UGT2B7: variants seen among roughly 807,000 people sequenced by gnomAD.
UGT2B7 encodes the protein UDP-glucuronosyltransferase 2B7.
In UGT2B7, 51 loss-of-function variants were observed where a neutral mutation model predicts 51.9. That is an observed-to-expected ratio of 0.98 (90% confidence interval 0.78 to 1.24). UGT2B7 has a LOEUF of 1.24. UGT2B7 is among the 50% of genes most tolerant of loss of function. UGT2B7 has a pLI of 0.00. For missense variants in UGT2B7, 727 were observed against 628.4 expected (o/e 1.16, Z -1.68); for synonymous variants, 225 against 211.6 (o/e 1.06, Z -0.55).
intron 1 of UGT2B7, among the ~76,000 whole-genome samples, chr4:69,058,815 G>A (rs1447700347): frequency 6.6e-6 from 1 of 152,148 alleles, no homozygotes; most frequent in East Asian, 1.9e-4. Context: ...TTGGCTGGCA[G>A]CAGCTCTCAC....
At chr4:69,093,727 T>C (rs1488047957), upstream of UGT2B7, among the ~76,000 whole-genome samples, 1 of 152,142 alleles carries the variant, frequency 6.6e-6, no homozygotes, top group Non-Finnish European at 1.5e-5. Flanking sequence ...AAGAAGCATG[T>C]TATTTGGGGT....
chr4:69,088,738 C>T (rs1176626990), intron 1 of UGT2B7, among the ~76,000 whole-genome samples: 7 of 152,116 alleles, frequency 4.6e-5, no homozygotes. Context: ...GTGATTAGTA[C>T]TTCCACTCTT....
chr4:69,089,836 G>A (rs988186018), intron 2 of UGT2B7, among the ~76,000 whole-genome samples: 2 of 152,136 alleles, frequency 1.3e-5, no homozygotes, highest in African/African-American at 2.4e-5. Context: ...GTGACAAAAT[G>A]AAAATAAAAT....
intron 5 of UGT2B7, among the ~76,000 whole-genome samples, chr4:69,111,277 A>G (rs1719763593): frequency 6.6e-6 from 1 of 152,192 alleles, no homozygotes. Context: ...GTTGGATTTT[A>G]TTCTAAAAAT....
intron 1 of UGT2B7, among the ~76,000 whole-genome samples, chr4:69,078,819 T>A (rs964477579): frequency 6.6e-6 from 1 of 152,100 alleles, no homozygotes; most frequent in African/African-American, 2.4e-5. Context: ...TGAAGTTATT[T>A]GCCATGCTGT....
intron 5 of UGT2B7, among the ~76,000 whole-genome samples, chr4:69,109,515 C>T (rs567990592): frequency 6.6e-6 from 1 of 152,110 alleles, no homozygotes; most frequent in African/African-American, 2.4e-5. Flanking sequence ...TACGTGCCTA[C>T]TGATCATTCA....
intron 3 of UGT2B7, among the ~76,000 whole-genome samples, chr4:69,103,388 C>A (rs1477806261): frequency 5.3e-5 from 8 of 152,004 alleles, no homozygotes; most frequent in African/African-American, 1.9e-4. Flanking sequence ...GGAGTTACTA[C>A]CCTTGGTATG....
chr4:69,060,335 C>G (rs757671628), intron 1 of UGT2B7, among the ~76,000 whole-genome samples: 10 of 152,180 alleles, frequency 6.6e-5, no homozygotes, highest in Non-Finnish European at 1.2e-4. Context: ...CTACTCCAAC[C>G]ACCCGGTGAC....
chr4:69,095,156 G>A (rs1719187568), upstream of UGT2B7, among the ~76,000 whole-genome samples: 1 of 152,202 alleles, frequency 6.6e-6, no homozygotes, highest in African/African-American at 2.4e-5. Flanking sequence ...TGAGACGTCA[G>A]ATTTGGCAGC....
chr4:69,096,397 A>C, upstream of UGT2B7: 1 of 1,444,894 alleles, frequency 6.9e-7, no homozygotes, highest in Non-Finnish European at 9.4e-7. Flanking sequence ...ATTTAATGAT[A>C]TTGTATGTAC....
intron 1 of UGT2B7, among the ~76,000 whole-genome samples, chr4:69,078,886 G>T (rs1409555938): frequency 6.6e-6 from 1 of 152,102 alleles, no homozygotes; most frequent in East Asian, 1.9e-4. Flanking sequence ...TGGCAGTGGT[G>T]GGTGGAATGT....
chr4:69,108,712 C>T (rs1214643998), intron 5 of UGT2B7, among the ~76,000 whole-genome samples: 1 of 151,842 alleles, frequency 6.6e-6, no homozygotes, highest in Non-Finnish European at 1.5e-5. Flanking sequence ...GAAAAATTAA[C>T]TTTTATTATT....
intron 5 of UGT2B7, 55 bp from the exon 6 acceptor site, chr4:69,112,402 G>A: frequency 6.4e-7 from 1 of 1,569,700 alleles, no homozygotes; most frequent in Non-Finnish European, 8.6e-7. Flanking sequence ...GGTGTCTGAG[G>A]GGTTTTGTCT....
chr4:69,054,543 T>C (rs6850053), intron 1 of UGT2B7, among the ~76,000 whole-genome samples: 69,902 of 151,978 alleles, frequency 0.46, 17,497 homozygotes, highest in African/African-American at 0.66. Flanking sequence ...ACCCTAACCC[T>C]GCCACCTTAC....
intron 1 of UGT2B7, among the ~76,000 whole-genome samples, chr4:69,073,438 A>G (rs1718641078): frequency 6.6e-6 from 1 of 152,138 alleles, no homozygotes; most frequent in African/African-American, 2.4e-5. Flanking sequence ...GACTTTATTT[A>G]AGGATGAATT....
rs769096340 is a variant in UGT2B7, at chr4:69,098,648, T to C, written c.830T>C (p.Val277Ala). The C allele has an allele frequency of 6.2e-7, 1 of 1,612,658 alleles. No homozygotes were observed. The change falls in exon 2 of 6, where the codon GTT becomes GCT. Residue 277 changes from valine to alanine, a missense_variant. Physicochemically the swap from Val to Ala is moderately conservative, Grantham distance 64 (BLOSUM62 0). Coordinates refer to ENST00000305231, the MANE Select transcript of UGT2B7 (RefSeq NM_001074.4). Reference sequence around the variant, plus strand: ...CCACTCTTACCAAATGTTGATTTTGTTGGAGGACTCCACTGCAAACCTGCC... The same window carrying C: ...CCACTCTTACCAAATGTTGATTTTGCTGGAGGACTCCACTGCAAACCTGCC... ...PYPLLPNVDF[V>A]GGLHCKPAKP...
At chr4:69,112,375 C>T in intron 5 of UGT2B7, 82 bp from the exon 6 acceptor site, 1 of 1,523,736 alleles carries the variant, frequency 6.6e-7, no homozygotes, top group Non-Finnish European at 8.8e-7. Context: ...CGAATAAAAC[C>T]CTTCCTTCTT....
chr4:69,065,090 G>A (rs1054507435), intron 1 of UGT2B7, among the ~76,000 whole-genome samples: 7 of 151,996 alleles, frequency 4.6e-5, no homozygotes, highest in Non-Finnish European at 1.0e-4. Flanking sequence ...AGCACAATAA[G>A]TAGGTATCGA....
intron 1 of UGT2B7, among the ~76,000 whole-genome samples, chr4:69,064,619 C>A (rs1000144163): frequency 2.6e-5 from 4 of 152,196 alleles, no homozygotes; most frequent in Non-Finnish European, 5.9e-5. Flanking sequence ...TGCTTTCATG[C>A]CACTGTAAGC....
Sources: allele counts gnomAD v4.1 joint callset (sites outside exome capture counted in the v4.1 genomes callset), GRCh38; gene constraint gnomAD v4.1.1; transcripts MANE v1.5; gene names NCBI Gene and HGNC (gene_info 2026-07-23, HGNC 2026-07-21).